PACRG: variants seen among roughly 807,000 people sequenced by gnomAD.
PACRG encodes parkin coregulated gene protein.
PACRG carries 29 observed loss-of-function variants against 29.7 expected under a neutral mutation model. The observed-to-expected ratio is 0.98, with a 90% CI of 0.73 to 1.33. The LOEUF is 1.33. PACRG is among the 40% of genes most tolerant of loss of function. The probability of loss-of-function intolerance (pLI) is 0.00; values close to 1 mark genes in which losing one functional copy is unlikely to be tolerated. For missense variants in PACRG, 279 were observed against 316.2 expected (o/e 0.88, Z 0.89); for synonymous variants, 116 against 118.7 (o/e 0.98, Z 0.15).
At chr6:163,020,282 C>A (rs1293761726) in intron 2 of PACRG, among the ~76,000 whole-genome samples, 2 of 152,138 alleles carry the variant, frequency 1.3e-5, no homozygotes, top group Non-Finnish European at 2.9e-5. Flanking sequence ...ATACACCGGT[C>A]ACCTTGTCAG....
intron 2 of PACRG, among the ~76,000 whole-genome samples, chr6:163,013,929 A>C (rs1805851342): frequency 6.6e-6 from 1 of 151,820 alleles, no homozygotes; most frequent in African/African-American, 2.4e-5. Flanking sequence ...TGATAGAAGC[A>C]TACCTGATGA....
intron 4 of PACRG, among the ~76,000 whole-genome samples, chr6:163,278,601 C>T (rs532020172): frequency 1.5e-4 from 23 of 152,220 alleles, no homozygotes; most frequent in African/African-American, 5.5e-4. Context: ...ATCCTTTCCC[C>T]ACTTTAAGTT....
chr6:163,162,485 A>G (rs1281903231), intron 4 of PACRG, among the ~76,000 whole-genome samples: 1 of 152,150 alleles, frequency 6.6e-6, no homozygotes, highest in Non-Finnish European at 1.5e-5. Flanking sequence ...TTCAGCTTTC[A>G]TTTCGTTTCT....
intron 4 of PACRG, among the ~76,000 whole-genome samples, chr6:163,162,936 C>A (rs1243510128): frequency 2.0e-5 from 3 of 152,180 alleles, no homozygotes; most frequent in Admixed American, 6.5e-5. Flanking sequence ...AGCACAGAGC[C>A]AGGGAGGTGG....
At chr6:163,269,885 G>GAAAAC (rs1488173574) in intron 4 of PACRG, among the ~76,000 whole-genome samples, 1 of 39,982 alleles carries the variant, frequency 2.5e-5, no homozygotes, top group African/African-American at 1.3e-4. Flanking sequence ...AAGAAAGAAA[G>GAAAAC]AAAGAAAACA....
intron 4 of PACRG, chr6:163,112,088 A>G: frequency 3.2e-6 from 3 of 940,654 alleles, no homozygotes; most frequent in Non-Finnish European, 3.8e-6. Context: ...ATTGAGGGAA[A>G]GGATTCTGGG....
intron 4 of PACRG, among the ~76,000 whole-genome samples, chr6:163,263,101 A>G (rs1396031203): frequency 6.8e-6 from 1 of 147,076 alleles, no homozygotes; most frequent in Non-Finnish European, 1.5e-5. Context: ...AAATAAATAA[A>G]TTTACATACT....
intron 4 of PACRG, among the ~76,000 whole-genome samples, chr6:163,249,637 C>T (rs1048814114): frequency 6.6e-6 from 1 of 152,106 alleles, no homozygotes; most frequent in East Asian, 1.9e-4. Flanking sequence ...TAGTGGTCTC[C>T]GGGTGCTGTG....
chr6:162,939,945 G>A (rs189274287), intron 2 of PACRG, among the ~76,000 whole-genome samples: 2 of 152,170 alleles, frequency 1.3e-5, no homozygotes, highest in African/African-American at 2.4e-5. Context: ...AATTATTGAA[G>A]CAAATCAAAC....
intron 4 of PACRG, among the ~76,000 whole-genome samples, chr6:163,163,608 G>A (rs988789412): frequency 6.6e-6 from 1 of 152,048 alleles, no homozygotes; most frequent in Non-Finnish European, 1.5e-5. Context: ...AAATGCCGAG[G>A]ATTTTATTAG....
At chr6:163,125,396 G>T (rs1816475959) in intron 4 of PACRG, among the ~76,000 whole-genome samples, 1 of 152,086 alleles carries the variant, frequency 6.6e-6, no homozygotes, top group African/African-American at 2.4e-5. Flanking sequence ...AAGATTGATG[G>T]GTCTGACTAT....
intron 4 of PACRG, among the ~76,000 whole-genome samples, chr6:163,202,832 A>G (rs1482508803): frequency 6.6e-6 from 1 of 152,228 alleles, no homozygotes; most frequent in Non-Finnish European, 1.5e-5. Flanking sequence ...ATGGAGTTAT[A>G]AATACAGAAC....
chr6:163,229,916 G>C lies in PACRG; in HGVS notation c.614-84911G>C, dbSNP rs538069259. On this transcript the variant is annotated intron_variant, in intron 4 of 4. Coordinates refer to ENST00000366888, the MANE Select transcript of PACRG (RefSeq NM_001080379.2). Reference sequence around the variant, plus strand: ...AGTCCCACTAACCTCCTATAATTTAGAACCTAATTCAATTGTAACCTGATG... The same window carrying C: ...AGTCCCACTAACCTCCTATAATTTACAACCTAATTCAATTGTAACCTGATG... Among the ~76,000 whole-genome samples the C allele has an allele frequency of 3.9e-5, 6 of 152,288 alleles. No homozygotes were observed. In the South Asian group the frequency reaches 1.2e-3, roughly 32 times the overall value.
intron 1 of PACRG, among the ~76,000 whole-genome samples, chr6:162,739,186 A>C (rs554837625): frequency 5.9e-5 from 9 of 152,322 alleles, no homozygotes; most frequent in African/African-American, 2.2e-4. Context: ...TCAGACTAAA[A>C]TTGTACCAAT....
chr6:163,239,819 C>T (rs1585361656), intron 4 of PACRG, among the ~76,000 whole-genome samples: 1 of 141,312 alleles, frequency 7.1e-6, no homozygotes, highest in Non-Finnish European at 1.5e-5. Flanking sequence ...CACTCCCACC[C>T]CTACTTCTAC....
intron 4 of PACRG, among the ~76,000 whole-genome samples, chr6:163,238,397 A>G (rs1432028640): frequency 1.3e-5 from 2 of 152,222 alleles, no homozygotes; most frequent in Admixed American, 6.5e-5. Flanking sequence ...GGATAAGTGC[A>G]GTATTGGTGT....
rs553990434 is a variant in PACRG at position 163,302,208 on chromosome 6, A to T, written c.614-12619A>T. Among the ~76,000 whole-genome samples the T allele has an allele frequency of 3.3e-5, 5 of 151,474 alleles. No individual in the cohort carries two copies. The South Asian group carries it at 8.4e-4, about 25-fold the overall frequency. Reference sequence around the variant, plus strand: ...GGCCACATTCAAAACTTCCCCCCACAGTTTAGATACTGTTCTCTCTCTCTC... The same window carrying T: ...GGCCACATTCAAAACTTCCCCCCACTGTTTAGATACTGTTCTCTCTCTCTC... On this transcript the variant is annotated intron_variant, in intron 4 of 4. Coordinates refer to ENST00000366888, the MANE Select transcript of PACRG (RefSeq NM_001080379.2).
chr6:162,852,613 C>T (rs1791017035), intron 2 of PACRG, among the ~76,000 whole-genome samples: 1 of 152,142 alleles, frequency 6.6e-6, no homozygotes, highest in Admixed American at 6.5e-5. Context: ...ATAGTCCAGG[C>T]TTTTGTTTTC....
intron 2 of PACRG, among the ~76,000 whole-genome samples, chr6:163,017,269 G>C (rs907046656): frequency 5.3e-5 from 8 of 152,132 alleles, no homozygotes; most frequent in Admixed American, 5.2e-4. Flanking sequence ...GGGAGATACA[G>C]CTCCAAGGCA....
Sources: gnomAD v4.1 joint callset for allele counts (sites outside exome capture counted in the v4.1 genomes callset) on GRCh38, gnomAD v4.1.1 for gene constraint, MANE v1.5 for transcripts, NCBI Gene and HGNC (gene_info 2026-07-23, HGNC 2026-07-21) for gene names.